EIF2AK4: variants seen among roughly 807,000 people sequenced by gnomAD.
The protein encoded by EIF2AK4 is eukaryotic translation initiation factor 2 alpha kinase 4, also known as eIF-2-alpha kinase GCN2.
Under a neutral mutation model 211.1 loss-of-function variants are expected in EIF2AK4, and 139 were observed. The observed-to-expected ratio is 0.66, with a 90% CI of 0.57 to 0.76. The LOEUF (loss-of-function observed/expected upper bound fraction) is 0.76, where lower values mean the gene tolerates loss of function less well. EIF2AK4 is among the 30% of genes least tolerant of loss of function. EIF2AK4 has a pLI of 0.00. For missense variants in EIF2AK4, 1,664 were observed against 2,043.8 expected (o/e 0.81, Z 3.58); for synonymous variants, 710 against 751.3 (o/e 0.94, Z 0.90).
chr15:39,982,176 G>A (rs542982727), intron 13 of EIF2AK4, among the ~76,000 whole-genome samples: 221 of 151,644 alleles, frequency 1.5e-3, no homozygotes, highest in African/African-American at 4.9e-3. Context: ...CGCCCGCCTC[G>A]GCCTCCCAAA....
rs1366522831 is a variant in EIF2AK4, at chr15:39,934,228, C to A, written c.33C>A (p.Gly11=). The A allele has an allele frequency of 6.3e-7, 1 of 1,597,420 alleles. No individual in the cohort carries two copies. The highest frequency in any genetic ancestry group is 8.5e-7 in the Non-Finnish European group (1 of 1,173,104). Residue 11 remains glycine (G), a synonymous_variant, in exon 1 of 39, where the codon GGC becomes GGA. Transcript: ENST00000263791. ...GGGGCCGTGGGGCCCCCGGGCGCGG[C>A]CGGGACGAGCCTCCGGAGAGCTACC... The part of the protein sequence containing the change: MAGGRGAPGR[G]RDEPPESYPQ...
chr15:39,971,486 G>A (rs2140915398), intron 9 of EIF2AK4, among the ~76,000 whole-genome samples: 1 of 152,248 alleles, frequency 6.6e-6, no homozygotes, highest in Admixed American at 6.5e-5. Flanking sequence ...AGCCAAGATA[G>A]TGCCACTGCA....
intron 17 of EIF2AK4, chr15:39,992,511 A>T: frequency 1.7e-6 from 1 of 573,080 alleles, no homozygotes; most frequent in Non-Finnish European, 3.1e-6. Flanking sequence ...AGGTTACCTC[A>T]TGACCTGATC....
chr15:40,017,551 A>ATATATACATGTATATG (rs71132134), intron 29 of EIF2AK4, among the ~76,000 whole-genome samples: 4 of 87,094 alleles, frequency 4.6e-5, no homozygotes, highest in African/African-American at 1.8e-4. Context: ...ATATATATAT[A>ATATATACATGTATATG]TATGTATTTT....
At chr15:39,991,198 T>G (rs2034939586) in intron 16 of EIF2AK4, 1 of 152,416 alleles carries the variant, frequency 6.6e-6, no homozygotes, top group African/African-American at 2.4e-5. Context: ...GGGGCCAAGT[T>G]AGAAGGTGAG....
At chr15:39,934,654 CTT>C (rs1428602815) in intron 1 of EIF2AK4, among the ~76,000 whole-genome samples, 1 of 152,158 alleles carries the variant, frequency 6.6e-6, no homozygotes, top group Non-Finnish European at 1.5e-5. Context: ...CAACCTTGTC[CTT>C]TTTCCCCTCT....
intron 33 of EIF2AK4, among the ~76,000 whole-genome samples, chr15:40,028,793 A>G (rs1024653974): frequency 1.8e-4 from 28 of 152,234 alleles, no homozygotes; most frequent in African/African-American, 6.3e-4. Context: ...CCAAGTAGTG[A>G]GTATGGGGGA....
chr15:39,966,165 C>T (rs1331336401), intron 8 of EIF2AK4, among the ~76,000 whole-genome samples: 1 of 152,048 alleles, frequency 6.6e-6, no homozygotes, highest in Non-Finnish European at 1.5e-5. Flanking sequence ...CTTCTTTTCC[C>T]TACTCTTGAA....
intron 37 of EIF2AK4, 28 bp downstream of exon 37, chr15:40,032,829 T>C: frequency 6.3e-7 from 1 of 1,594,236 alleles, no homozygotes; most frequent in South Asian, 1.1e-5. Context: ...TTCTGCACTG[T>C]GGCCTTTAAG....
chr15:40,010,174 A>T (rs901985115), intron 26 of EIF2AK4, among the ~76,000 whole-genome samples: 2 of 152,100 alleles, frequency 1.3e-5, no homozygotes, highest in South Asian at 4.1e-4. Context: ...TGATGGATGA[A>T]CTCACTTCAT....
chr15:39,999,647 A>G (rs950694899), intron 20 of EIF2AK4, among the ~76,000 whole-genome samples: 1 of 152,284 alleles, frequency 6.6e-6, no homozygotes, highest in Non-Finnish European at 1.5e-5. Context: ...TAGCACTAAC[A>G]TTGTGTCATT....
At chr15:39,957,791 T>C (rs867617203) in intron 6 of EIF2AK4, among the ~76,000 whole-genome samples, 1 of 152,154 alleles carries the variant, frequency 6.6e-6, no homozygotes, top group African/African-American at 2.4e-5. Context: ...GTGTTTCTGG[T>C]GTTTGTAGGG....
chr15:39,970,958 A>T (rs2034615564), intron 9 of EIF2AK4, among the ~76,000 whole-genome samples: 1 of 152,228 alleles, frequency 6.6e-6, no homozygotes, highest in Non-Finnish European at 1.5e-5. Context: ...AAAAGTTACC[A>T]TTTATGATAG....
At chr15:39,993,084 C>T (rs867701750) in intron 18 of EIF2AK4, among the ~76,000 whole-genome samples, 134 of 150,962 alleles carry the variant, frequency 8.9e-4, no homozygotes, top group African/African-American at 3.1e-3. Flanking sequence ...ATTCATCCAT[C>T]CATCCATCCA....
intron 27 of EIF2AK4, among the ~76,000 whole-genome samples, chr15:40,015,136 A>G (rs2035287507): frequency 6.6e-6 from 1 of 151,846 alleles, no homozygotes; most frequent in Non-Finnish European, 1.5e-5. Context: ...ACTTTCCCCC[A>G]TTTTCCTGTC....
At chr15:40,017,551 A>ATATATATATATACATG (rs71132134) in intron 29 of EIF2AK4, among the ~76,000 whole-genome samples, 1 of 87,094 alleles carries the variant, frequency 1.1e-5, no homozygotes, top group African/African-American at 4.5e-5. Context: ...ATATATATAT[A>ATATATATATATACATG]TATGTATTTT....
At chr15:39,964,479 G>A (rs539072478) in intron 7 of EIF2AK4, among the ~76,000 whole-genome samples, 3 of 152,086 alleles carry the variant, frequency 2.0e-5, no homozygotes, top group Non-Finnish European at 4.4e-5. Flanking sequence ...GGTGCTATTG[G>A]CATCTAGTGG....
intron 7 of EIF2AK4, 111 bp from the exon 8 acceptor site, chr15:39,965,575 A>C (rs1031635099): frequency 1.1e-5 from 13 of 1,203,198 alleles, no homozygotes; most frequent in African/African-American, 1.5e-5. Context: ...TTCCATAGTT[A>C]GCGCATGGTA....
At chr15:39,973,966 G>A (rs1318030050) in intron 11 of EIF2AK4, 1 of 428,116 alleles carries the variant, frequency 2.3e-6, no homozygotes, top group Non-Finnish European at 4.1e-6. Flanking sequence ...CTTGCTTCAT[G>A]TGGAGCATTA....
Sources: gnomAD v4.1 joint callset for allele counts (sites outside exome capture counted in the v4.1 genomes callset) on GRCh38, gnomAD v4.1.1 for gene constraint, MANE v1.5 for transcripts, NCBI Gene and HGNC (gene_info 2026-07-23, HGNC 2026-07-21) for gene names.